Variants in FMN2 observed in about 807,000 individuals in gnomAD.
The protein encoded by FMN2 is formin-2.
FMN2 carries 51 observed loss-of-function variants against 142.3 expected under a neutral mutation model. The ratio of observed to expected loss-of-function variants is 0.36; its 90% CI spans 0.29 to 0.45. The LOEUF (loss-of-function observed/expected upper bound fraction) is 0.45. Among genes scored for constraint, FMN2 ranks in the 20% least tolerant of loss-of-function variants. The pLI, the probability that FMN2 is intolerant of heterozygous loss-of-function variation, is 1.00. For synonymous variants in FMN2, 882 were observed against 869.8 expected, an observed-to-expected ratio of 1.01 and a Z score of -0.25; for missense variants, 1,936 against 2,122.8, an observed-to-expected ratio of 0.91 and a Z score of 1.73.
chr1:240,249,011 A>G (rs1423571787), intron 6 of FMN2, among the ~76,000 whole-genome samples: 7 of 152,060 alleles, frequency 4.6e-5, no homozygotes, highest in Admixed American at 3.3e-4. Context: ...CCCATGTTGA[A>G]TGAATAGTTT....
chr1:240,194,429 G>A (rs898168145), intron 4 of FMN2, among the ~76,000 whole-genome samples: 8 of 152,174 alleles, frequency 5.3e-5, no homozygotes, highest in African/African-American at 1.2e-4. Context: ...AGAGTCCAGC[G>A]TGAACTAAAC....
chr1:240,122,457 A>G (rs1662321437), intron 1 of FMN2, among the ~76,000 whole-genome samples: 1 of 151,880 alleles, frequency 6.6e-6, no homozygotes, highest in South Asian at 2.1e-4. Flanking sequence ...TATTTTTTGT[A>G]TTTTTAATAG....
At chr1:240,208,771 C>A in intron 5 of FMN2, 39 bp downstream of exon 5, 1 of 1,565,612 alleles carries the variant, frequency 6.4e-7, no homozygotes, top group Non-Finnish European at 8.7e-7. Context: ...CAGTGTGTGT[C>A]AGTATTAGGG....
chr1:240,290,780 G>T (rs866487600), intron 7 of FMN2, among the ~76,000 whole-genome samples: 26 of 100,202 alleles, frequency 2.6e-4, no homozygotes, highest in South Asian at 1.9e-3. Context: ...TGTTTGTTTG[G>T]TTTTTTTTTT....
chr1:240,361,350 G>A (rs78467862), intron 14 of FMN2, among the ~76,000 whole-genome samples: 9,423 of 151,578 alleles, frequency 0.062, 349 homozygotes, highest in South Asian at 0.12. Context: ...TTGCTCTTGG[G>A]GAGCAACAGT....
chr1:240,309,121 T>A (rs1259961383), intron 8 of FMN2, among the ~76,000 whole-genome samples: 1 of 152,172 alleles, frequency 6.6e-6, no homozygotes, highest in Non-Finnish European at 1.5e-5. Flanking sequence ...AATGAATGAT[T>A]AACCTATGAT....
intron 6 of FMN2, among the ~76,000 whole-genome samples, chr1:240,255,755 A>G (rs1039945428): frequency 2.0e-5 from 3 of 152,168 alleles, no homozygotes; most frequent in African/African-American, 7.2e-5. Flanking sequence ...CATTTTAGAC[A>G]TGTCAAATGG....
At chr1:240,418,263 A>C (rs1224019435) in intron 15 of FMN2, among the ~76,000 whole-genome samples, 1 of 150,260 alleles carries the variant, frequency 6.7e-6, no homozygotes, top group Non-Finnish European at 1.5e-5. Context: ...GCAGTGGCAC[A>C]ATCTCAGCTC....
At chr1:240,365,205 GTA>G (rs200761604) in intron 14 of FMN2, among the ~76,000 whole-genome samples, 3 of 135,678 alleles carry the variant, frequency 2.2e-5, no homozygotes, top group Admixed American at 7.5e-5. Flanking sequence ...ATATGTGTGT[GTA>G]TATATATACA....
chr1:240,376,961 C>T (rs1046982904), intron 14 of FMN2, among the ~76,000 whole-genome samples: 22 of 152,062 alleles, frequency 1.4e-4, no homozygotes, highest in Non-Finnish European at 1.8e-4. Context: ...TGTCATTCTC[C>T]CTTCTGTTGT....
chr1:240,147,900 A>G (rs578072392), intron 2 of FMN2, among the ~76,000 whole-genome samples: 1 of 152,302 alleles, frequency 6.6e-6, no homozygotes, highest in South Asian at 2.1e-4. Context: ...CTCTGGGAAT[A>G]TGAATTTTTG....
intron 14 of FMN2, among the ~76,000 whole-genome samples, chr1:240,371,348 C>A (rs1349276178): frequency 6.6e-6 from 1 of 152,116 alleles, no homozygotes; most frequent in Non-Finnish European, 1.5e-5. Context: ...TAAGTCTAAG[C>A]TTTCCTTCCT....
chr1:240,092,363 C>A lies in FMN2; in HGVS notation c.254C>A (p.Ser85Tyr), dbSNP rs753499677. The change falls in exon 1 of 18, where the codon TCC becomes TAC. Residue 85 changes from serine to tyrosine, a missense_variant. Physicochemically the swap from Ser to Tyr is moderately radical, Grantham distance 144 (BLOSUM62 -2). Coordinates refer to ENST00000319653, the MANE Select transcript of FMN2 (RefSeq NM_020066.5). The part of the protein sequence containing the change: ...FSNLRIRKNL[S>Y]KGKGAGGSRE... ...AACCTGCGGATCAGGAAGAATCTGTCCAAGGGGAAAGGCGCCGGCGGCTCC... is the reference window on the plus strand; with the variant it reads ...AACCTGCGGATCAGGAAGAATCTGTACAAGGGGAAAGGCGCCGGCGGCTCC... The A allele has an allele frequency of 6.2e-7, 1 of 1,609,268 alleles. No homozygotes were observed.
At chr1:240,321,913 T>C (rs887539201) in intron 8 of FMN2, among the ~76,000 whole-genome samples, 4 of 152,204 alleles carry the variant, frequency 2.6e-5, no homozygotes, top group Non-Finnish European at 5.9e-5. Flanking sequence ...ATACCTAATA[T>C]GGTAAATATC....
intron 13 of FMN2, 122 bp from the exon 14 acceptor site, chr1:240,355,694 C>A (rs1288608679): frequency 3.5e-6 from 2 of 572,350 alleles, no homozygotes; most frequent in Non-Finnish European, 6.2e-6. Flanking sequence ...AAAATGTGTG[C>A]AGAACATATG....
chr1:240,248,399 T>G (rs1436929031), intron 6 of FMN2, among the ~76,000 whole-genome samples: 1 of 148,360 alleles, frequency 6.7e-6, no homozygotes, highest in Non-Finnish European at 1.5e-5. Context: ...ACATACATGT[T>G]ATTGGATACA....
chr1:240,092,286 G>T lies in FMN2; in HGVS notation c.177G>T (p.Gly59=), dbSNP rs756756480. 17 of 1,585,464 alleles carry T rather than the reference G, an allele frequency of 1.1e-5. No individual in the cohort carries two copies. The African/African-American group carries it at 2.2e-4, about 20-fold the overall frequency. Residue 59 remains glycine, a synonymous_variant, in exon 1 of 18, where the codon GGG becomes GGT. Transcript: ENST00000319653. ...GGGGAGGGGGCGGCGGCGGCGGCGG[G>T]GAGTCGGGCAAGAAGAAGAGCAAGT... ...GKGGGGGGGG[G]ESGKKKSKSD...
intron 14 of FMN2, among the ~76,000 whole-genome samples, chr1:240,386,931 CT>C (rs751904328): frequency 2.6e-5 from 4 of 152,120 alleles, no homozygotes; most frequent in Non-Finnish European, 5.9e-5. Flanking sequence ...TTTGGTGTTT[CT>C]TTTATTGTAT....
At chr1:240,281,596 A>G (rs77441405) in intron 7 of FMN2, among the ~76,000 whole-genome samples, 1 of 152,258 alleles carries the variant, frequency 6.6e-6, no homozygotes, top group Non-Finnish European at 1.5e-5. Context: ...AATATTTTGT[A>G]ATTATTACAT....
Sources: gnomAD v4.1 joint callset for allele counts (sites outside exome capture counted in the v4.1 genomes callset) on GRCh38, gnomAD v4.1.1 for gene constraint, MANE v1.5 for transcripts, NCBI Gene and HGNC (gene_info 2026-07-23, HGNC 2026-07-21) for gene names.